TNFSF4: variants seen among roughly 807,000 people sequenced by gnomAD.
The protein encoded by TNFSF4 is tumor necrosis factor ligand superfamily member 4.
Under a neutral mutation model 7.3 loss-of-function variants are expected in TNFSF4, and 4 were observed. The observed-to-expected ratio is 0.55, with a 90% CI of 0.27 to 1.25. TNFSF4 has a LOEUF of 1.25. Among genes scored for constraint, TNFSF4 ranks in the 50% most tolerant of loss-of-function variants. The pLI is 0.12. For missense variants in TNFSF4, 181 were observed against 208.8 expected (o/e 0.87, Z 0.82); for synonymous variants, 76 against 83.7 (o/e 0.91, Z 0.50).
chr1:173,174,101 G>A, the TNFSF4 span, among the ~76,000 whole-genome samples: 1 of 152,134 alleles, frequency 6.6e-6, no homozygotes, highest in Non-Finnish European at 1.5e-5. Flanking sequence ...CCTCTCTCAA[G>A]TTCAAAGTTC....
chr1:173,353,392 A>C, the TNFSF4 span, among the ~76,000 whole-genome samples: 1 of 152,214 alleles, frequency 6.6e-6, no homozygotes, highest in African/African-American at 2.4e-5. Flanking sequence ...TCATGGCTTC[A>C]GCAGGTCCCT....
chr1:173,395,033 TAGA>T, the TNFSF4 span, among the ~76,000 whole-genome samples: 1 of 106,432 alleles, frequency 9.4e-6, no homozygotes, highest in Non-Finnish European at 2.0e-5. Context: ...GATAGATAGA[TAGA>T]TGATAGATAG....
chr1:173,232,620 A>C, the TNFSF4 span, among the ~76,000 whole-genome samples: 5 of 152,212 alleles, frequency 3.3e-5, no homozygotes, highest in South Asian at 2.1e-4. Flanking sequence ...ATAGATAGCT[A>C]TTATTATTTT....
At chr1:173,199,605 G>A (rs1428774116) in intron 1 of TNFSF4, among the ~76,000 whole-genome samples, 1 of 152,186 alleles carries the variant, frequency 6.6e-6, no homozygotes, top group African/African-American at 2.4e-5. Flanking sequence ...AGAGGAGCGT[G>A]GCCTTCCGAC....
chr1:173,246,356 T>C, the TNFSF4 span, among the ~76,000 whole-genome samples: 3 of 152,172 alleles, frequency 2.0e-5, no homozygotes, highest in Non-Finnish European at 4.4e-5. Flanking sequence ...CCTCCCTGTG[T>C]CCATGTGTTC....
the TNFSF4 span, among the ~76,000 whole-genome samples, chr1:173,299,942 G>T: frequency 6.6e-6 from 1 of 151,756 alleles, no homozygotes; most frequent in Admixed American, 6.6e-5. Flanking sequence ...TAAACCCATT[G>T]TCAACTGCTC....
At chr1:173,402,793 C>T in the TNFSF4 span, among the ~76,000 whole-genome samples, 1 of 152,142 alleles carries the variant, frequency 6.6e-6, no homozygotes, top group Non-Finnish European at 1.5e-5. Flanking sequence ...TTGTAGGCTC[C>T]TGAGCCTCAT....
chr1:173,397,679 G>C, the TNFSF4 span, among the ~76,000 whole-genome samples: 1 of 152,202 alleles, frequency 6.6e-6, no homozygotes, highest in East Asian at 1.9e-4. Flanking sequence ...TCACTGACTT[G>C]TGAAGTGAGA....
the TNFSF4 span, among the ~76,000 whole-genome samples, chr1:173,368,937 A>T: frequency 6.6e-6 from 1 of 152,192 alleles, no homozygotes; most frequent in Non-Finnish European, 1.5e-5. Context: ...TATAAATTTC[A>T]GGACTCTGTT....
the TNFSF4 span, among the ~76,000 whole-genome samples, chr1:173,173,649 C>A: frequency 6.6e-6 from 1 of 152,230 alleles, no homozygotes; most frequent in Non-Finnish European, 1.5e-5. Flanking sequence ...GCAGGCCCAA[C>A]ACCATATGTA....
the TNFSF4 span, among the ~76,000 whole-genome samples, chr1:173,394,779 T>C: frequency 6.6e-6 from 1 of 152,124 alleles, no homozygotes; most frequent in Non-Finnish European, 1.5e-5. Flanking sequence ...GCCTCTGAAC[T>C]TATCCCTTTC....
Position 173,186,698 on chromosome 1 carries a change from C to T in TNFSF4, c.370G>A (p.Glu124Lys). 6.2e-7 allele frequency: 1 copy of T among 1,614,112 alleles called. No individual in the cohort carries two copies. The highest frequency in any genetic ancestry group is 8.5e-7 in the Non-Finnish European group (1 of 1,180,004). The change falls in exon 3 of 3, where the codon GAG becomes AAG. Residue 124 changes from glutamate to lysine, a missense_variant. By Grantham distance (56) the Glu-to-Lys change is moderately conservative (BLOSUM62 1). Transcript: ENST00000281834. ...ACCTTCTTCAGTTGGAAGAGGGGCT[C>T]CTCATCCTTCTGGTAATGAAGGCTA... ...NISLHYQKDE[E>K]PLFQLKKVRS...
chr1:173,174,066 T>G, the TNFSF4 span, among the ~76,000 whole-genome samples: 1 of 152,126 alleles, frequency 6.6e-6, no homozygotes, highest in African/African-American at 2.4e-5. Context: ...GCTTAGAAAT[T>G]TCCTCTGCCA....
chr1:173,324,625 T>C, the TNFSF4 span, among the ~76,000 whole-genome samples: 1 of 152,128 alleles, frequency 6.6e-6, no homozygotes, highest in Non-Finnish European at 1.5e-5. Flanking sequence ...ACACATCTCA[T>C]GTGCAGAGAC....
chr1:173,182,928 A>G (rs907763511), downstream of TNFSF4, among the ~76,000 whole-genome samples: 1 of 151,988 alleles, frequency 6.6e-6, no homozygotes, highest in Non-Finnish European at 1.5e-5. Flanking sequence ...GGAAGCTGCC[A>G]CTCTGTTTGG....
the TNFSF4 span, among the ~76,000 whole-genome samples, chr1:173,399,777 A>G: frequency 6.6e-6 from 1 of 152,204 alleles, no homozygotes; most frequent in Non-Finnish European, 1.5e-5. Flanking sequence ...GCTCATAAAC[A>G]AGGTGGCCAT....
At chr1:173,347,638 CAG>C in the TNFSF4 span, among the ~76,000 whole-genome samples, 1 of 152,166 alleles carries the variant, frequency 6.6e-6, no homozygotes, top group South Asian at 2.1e-4. Flanking sequence ...TTATTTTATG[CAG>C]AGTTATGTGT....
At chr1:173,308,469 T>C in the TNFSF4 span, among the ~76,000 whole-genome samples, 24 of 151,826 alleles carry the variant, frequency 1.6e-4, no homozygotes, top group Non-Finnish European at 2.8e-4. Context: ...TGGGAGATAA[T>C]AATTTTTATT....
At chr1:173,446,688 C>T in the TNFSF4 span, among the ~76,000 whole-genome samples, 1,621 of 152,286 alleles carry the variant, frequency 0.011, 13 homozygotes, top group African/African-American at 0.029. Flanking sequence ...TAGACTTGCT[C>T]GGTCTTCTGG....
Sources: gnomAD v4.1 joint callset for allele counts (sites outside exome capture counted in the v4.1 genomes callset) on GRCh38, gnomAD v4.1.1 for gene constraint, MANE v1.5 for transcripts, NCBI Gene and HGNC (gene_info 2026-07-23, HGNC 2026-07-21) for gene names.